The following LRP1B variants were observed in gnomAD, a reference collection of about 807,000 sequenced individuals.
LRP1B encodes LDL receptor related protein 1B.
In LRP1B, 217 loss-of-function variants were observed where a neutral mutation model predicts 556.6. The ratio of observed to expected loss-of-function variants is 0.39; its 90% CI spans 0.35 to 0.44. LRP1B has a LOEUF of 0.44. LRP1B is among the 20% of genes least tolerant of loss of function. The pLI, the probability that LRP1B is intolerant of heterozygous loss-of-function variation, is 1.00. For synonymous variants in LRP1B, 2,047 were observed against 1,865.8 expected (o/e 1.10, Z -2.50); for missense variants, 5,053 against 5,620.8 (o/e 0.90, Z 3.23).
intron 18 of LRP1B, among the ~76,000 whole-genome samples, chr2:140,968,784 T>G (rs1219418001): frequency 6.6e-6 from 1 of 152,238 alleles, no homozygotes; most frequent in Non-Finnish European, 1.5e-5. Context: ...CATTTCGTTA[T>G]GTACCTAGTA....
intron 2 of LRP1B, among the ~76,000 whole-genome samples, chr2:141,665,989 G>C (rs1690415758): frequency 6.6e-6 from 1 of 152,080 alleles, no homozygotes; most frequent in African/African-American, 2.4e-5. Context: ...GTGGGAGAAA[G>C]AGCATTAGCA....
chr2:141,797,171 ATATATATATATATATAAC>A (rs1430511807), intron 2 of LRP1B, among the ~76,000 whole-genome samples: 26 of 136,554 alleles, frequency 1.9e-4, no homozygotes, highest in African/African-American at 7.2e-4. Flanking sequence ...ATATATATAT[ATATATATATATATATAAC>A]TATATATATC....
At chr2:141,667,072 C>T (rs1401581131) in intron 2 of LRP1B, among the ~76,000 whole-genome samples, 6 of 152,008 alleles carry the variant, frequency 3.9e-5, no homozygotes, top group South Asian at 2.1e-4. Flanking sequence ...GGGAAAGAGC[C>T]GGCTTCTCAT....
At chr2:140,872,605 C>T (rs1345971408) in intron 25 of LRP1B, among the ~76,000 whole-genome samples, 1 of 151,794 alleles carries the variant, frequency 6.6e-6, no homozygotes, top group Non-Finnish European at 1.5e-5. Context: ...TAGTCTCTAT[C>T]TAAATAAATG....
chr2:140,262,068 TA>T (rs575434295), intron 86 of LRP1B, among the ~76,000 whole-genome samples: 38 of 150,968 alleles, frequency 2.5e-4, no homozygotes, highest in Non-Finnish European at 3.7e-4. Flanking sequence ...GAATTACTAT[TA>T]AAAAAAAAGA....
chr2:141,492,001 G>A (rs1056506613), intron 2 of LRP1B, among the ~76,000 whole-genome samples: 1 of 143,638 alleles, frequency 7.0e-6, no homozygotes, highest in African/African-American at 2.6e-5. Flanking sequence ...TGGTGTGATG[G>A]CCAAGTGATA....
At chr2:142,027,699 G>A (rs143642139) in intron 1 of LRP1B, among the ~76,000 whole-genome samples, 1 of 138,186 alleles carries the variant, frequency 7.2e-6, no homozygotes, top group Non-Finnish European at 1.6e-5. Flanking sequence ...CACACACACA[G>A]AGATAAAGTA....
At chr2:140,714,976 T>C (rs546577806) in intron 37 of LRP1B, among the ~76,000 whole-genome samples, 1 of 152,116 alleles carries the variant, frequency 6.6e-6, no homozygotes, top group African/African-American at 2.4e-5. Flanking sequence ...CAAAGCCAAA[T>C]AAGGTCAAAT....
At chr2:140,574,556 A>G (rs1379970498) in intron 43 of LRP1B, among the ~76,000 whole-genome samples, 1 of 152,210 alleles carries the variant, frequency 6.6e-6, no homozygotes, top group African/African-American at 2.4e-5. Context: ...GCTCTCTTGT[A>G]CTAGACAGGT....
chr2:140,660,417 C>T (rs1158401294), intron 41 of LRP1B, among the ~76,000 whole-genome samples: 7 of 152,022 alleles, frequency 4.6e-5, no homozygotes, highest in Non-Finnish European at 1.0e-4. Context: ...TATTTTTTCA[C>T]TTGCTTTATT....
At chr2:141,390,176 A>G (rs1309519586) in intron 3 of LRP1B, among the ~76,000 whole-genome samples, 2 of 152,142 alleles carry the variant, frequency 1.3e-5, no homozygotes, top group East Asian at 3.9e-4. Flanking sequence ...CAAAGCACCA[A>G]TGAGCACAGG....
At chr2:141,087,292 T>C (rs1700070684) in intron 7 of LRP1B, among the ~76,000 whole-genome samples, 2 of 152,170 alleles carry the variant, frequency 1.3e-5, no homozygotes, top group African/African-American at 4.8e-5. Flanking sequence ...CAAGTCAGCC[T>C]ATCGGACCTG....
At chr2:141,144,010 G>C (rs1266698229) in intron 7 of LRP1B, among the ~76,000 whole-genome samples, 11 of 151,946 alleles carry the variant, frequency 7.2e-5, no homozygotes, top group Admixed American at 6.6e-4. Context: ...TGAGTGTTTG[G>C]GTAGGATATA....
chr2:140,920,945 C>G (rs1413903623), intron 21 of LRP1B, among the ~76,000 whole-genome samples: 1 of 151,942 alleles, frequency 6.6e-6, no homozygotes, highest in East Asian at 1.9e-4. Flanking sequence ...AGATAGCCAG[C>G]TTTCCTCATC....
intron 15 of LRP1B, among the ~76,000 whole-genome samples, chr2:140,995,999 G>A (rs753600312): frequency 2.0e-5 from 3 of 151,910 alleles, no homozygotes; most frequent in Admixed American, 6.6e-5. Context: ...GAGAACCAAC[G>A]TAAACATGAA....
intron 2 of LRP1B, among the ~76,000 whole-genome samples, chr2:141,617,314 G>C (rs1688342127): frequency 1.3e-5 from 2 of 152,176 alleles, no homozygotes; most frequent in African/African-American, 4.8e-5. Context: ...CAATTGCTAT[G>C]TGTACTGTTG....
At chr2:141,449,703 A>G (rs1025042306) in intron 3 of LRP1B, among the ~76,000 whole-genome samples, 1 of 152,228 alleles carries the variant, frequency 6.6e-6, no homozygotes, top group Non-Finnish European at 1.5e-5. Context: ...TTTTTGGTCA[A>G]AAACATATTT....
At chr2:140,266,552 C>A (rs868666907) in intron 86 of LRP1B, among the ~76,000 whole-genome samples, 1 of 152,058 alleles carries the variant, frequency 6.6e-6, no homozygotes, top group African/African-American at 2.4e-5. Flanking sequence ...AAACTGTCCC[C>A]AATATATCTC....
In LRP1B at chr2:140,787,702, C is replaced by A. The variant is rs545160527; in HGVS notation, c.5360-11464G>T. Among the ~76,000 whole-genome samples, 3 of 150,934 alleles carry A rather than the reference C, an allele frequency of 2.0e-5. No homozygotes were observed. In the Admixed American group the frequency reaches 2.0e-4, roughly 10 times the overall value. On this transcript the variant is annotated intron_variant, in intron 32 of 90. Coordinates refer to ENST00000389484, the MANE Select transcript of LRP1B (RefSeq NM_018557.3). Reference sequence around the variant, plus strand: ...CCTCCTAGCTCAGCCTCCTGAAGAGCAAGGACTACAGGCATGCACCACCAT... The same window carrying A: ...CCTCCTAGCTCAGCCTCCTGAAGAGAAAGGACTACAGGCATGCACCACCAT...
Sources: allele counts gnomAD v4.1 joint callset (sites outside exome capture counted in the v4.1 genomes callset), GRCh38; gene constraint gnomAD v4.1.1; transcripts MANE v1.5; gene names NCBI Gene and HGNC (gene_info 2026-07-23, HGNC 2026-07-21).